Variants in CACNA1C observed in about 807,000 individuals in gnomAD.
CACNA1C encodes voltage-dependent L-type calcium channel subunit alpha-1C.
Under a neutral mutation model 229.0 loss-of-function variants are expected in CACNA1C, and 30 were observed. The observed-to-expected ratio is 0.13, with a 90% confidence interval of 0.10 to 0.18. The LOEUF (loss-of-function observed/expected upper bound fraction) is 0.18, where lower values mean the gene tolerates loss of function less well. CACNA1C is among the 10% of genes least tolerant of loss of function. The pLI, the probability that CACNA1C is intolerant of heterozygous loss-of-function variation, is 1.00. For missense variants in CACNA1C, 1,658 were observed against 2,845.0 expected, an observed-to-expected ratio of 0.58 and a Z score of 9.49; for synonymous variants, 1,114 against 1,132.5, an observed-to-expected ratio of 0.98 and a Z score of 0.33.
intron 1 of CACNA1C, among the ~76,000 whole-genome samples, chr12:2,106,478 G>C (rs2078667450): frequency 9.8e-6 from 1 of 102,546 alleles, no homozygotes; most frequent in African/African-American, 3.8e-5. Context: ...AAGCCACTGG[G>C]AGCCCACCCC....
chr12:2,562,271 A>G (rs1346190482), intron 11 of CACNA1C, among the ~76,000 whole-genome samples: 1 of 152,172 alleles, frequency 6.6e-6, no homozygotes, highest in Non-Finnish European at 1.5e-5. Context: ...GGGCATAATC[A>G]AGCTCTCATA....
At chr12:2,313,182 C>T (rs1158464037) in intron 3 of CACNA1C, among the ~76,000 whole-genome samples, 1 of 152,268 alleles carries the variant, frequency 6.6e-6, no homozygotes, top group South Asian at 2.1e-4. Flanking sequence ...CCACTTTGCT[C>T]CCAAGGATTG....
chr12:2,039,994 G>A (rs915832094), intron 1 of CACNA1C, among the ~76,000 whole-genome samples: 1 of 152,032 alleles, frequency 6.6e-6, no homozygotes, highest in African/African-American at 2.4e-5. Flanking sequence ...CTACTTGGAT[G>A]CCATGGAAAG....
intron 1 of CACNA1C, among the ~76,000 whole-genome samples, chr12:2,073,859 T>C (rs1280323604): frequency 6.6e-6 from 1 of 152,080 alleles, no homozygotes; most frequent in Admixed American, 6.5e-5. Context: ...AGATGACAAA[T>C]AGGTTTCAGA....
At chr12:2,432,852 C>T (rs564799113) in intron 3 of CACNA1C, among the ~76,000 whole-genome samples, 2 of 152,264 alleles carry the variant, frequency 1.3e-5, no homozygotes, top group East Asian at 1.9e-4. Context: ...GCTTGCTGTG[C>T]ACCACAAAGC....
rs1341154683 is a variant in CACNA1C at position 2,504,664 on chromosome 12, C to T, written c.1114-178C>T. On this transcript the variant is annotated intron_variant, in intron 7 of 46. Coordinates refer to ENST00000399655, the MANE Select transcript of CACNA1C (RefSeq NM_000719.7). The surrounding 1 kb of genome is among the most constrained non-coding windows in gnomAD (Gnocchi z 6.8). ...AGGCCCAGGAAAACCACAACAAAGCCTCTGTTCAACCACAGATTCTGACCC... is the reference window on the plus strand; with the variant it reads ...AGGCCCAGGAAAACCACAACAAAGCTTCTGTTCAACCACAGATTCTGACCC... 6 of 765,510 alleles carry T rather than the reference C, an allele frequency of 7.8e-6. No homozygotes were observed. Among genetic ancestry groups the T allele is most frequent in the Non-Finnish European group, 1.2e-5 (5 of 431,216 alleles). The allele number at this position is 765,510 out of a possible 1,614,324, so 47.4% of individuals were successfully genotyped here.
intron 3 of CACNA1C, among the ~76,000 whole-genome samples, chr12:2,231,610 CAG>C (rs1185798715): frequency 7.2e-5 from 11 of 152,108 alleles, no homozygotes; most frequent in African/African-American, 2.2e-4. Flanking sequence ...TTTTTAAAAT[CAG>C]AGCGGAGATC....
intron 14 of CACNA1C, 101 bp downstream of exon 14, chr12:2,581,898 C>A: frequency 4.2e-6 from 3 of 719,194 alleles, no homozygotes; most frequent in Non-Finnish European, 2.4e-6. Context: ...GCAGCCACAG[C>A]CATCCTAGAT....
chr12:2,637,697 G>T (rs1274017474), intron 30 of CACNA1C, among the ~76,000 whole-genome samples: 1 of 152,234 alleles, frequency 6.6e-6, no homozygotes, highest in Admixed American at 6.5e-5. Flanking sequence ...AATCCCATGG[G>T]ATCCTTCAGA....
At chr12:2,521,238 T>C (rs1359013972) in intron 9 of CACNA1C, among the ~76,000 whole-genome samples, 2 of 152,192 alleles carry the variant, frequency 1.3e-5, no homozygotes, top group African/African-American at 2.4e-5. Flanking sequence ...ACAGAGGCTG[T>C]GTGGAGGGGC....
At chr12:1,984,806 C>CT (rs1156339042) in intron 1 of CACNA1C, among the ~76,000 whole-genome samples, 1 of 105,196 alleles carries the variant, frequency 9.5e-6, no homozygotes, top group Non-Finnish European at 2.0e-5. Context: ...AAAAAAGGTT[C>CT]TTTTTATGTT....
At chr12:2,543,651 A>G (rs1411454967) in intron 9 of CACNA1C, among the ~76,000 whole-genome samples, 1 of 152,174 alleles carries the variant, frequency 6.6e-6, no homozygotes, top group African/African-American at 2.4e-5. Flanking sequence ...TTCAGAAAGG[A>G]ACCTTTAGAT....
chr12:2,637,880 A>G (rs1018743822), intron 30 of CACNA1C, among the ~76,000 whole-genome samples: 3 of 152,092 alleles, frequency 2.0e-5, no homozygotes, highest in Non-Finnish European at 4.4e-5. Flanking sequence ...TTAACTCCTA[A>G]ACCCCTCCCC....
At position 2,199,194 on chromosome 12, in the gene CACNA1C, G is replaced by A. The variant is rs116961516; in HGVS notation, c.477+78764G>A. Among the ~76,000 whole-genome samples, 157 of 152,110 alleles carry A rather than the reference G, an allele frequency of 1.0e-3. 3 individuals carry two copies. In the East Asian group the frequency reaches 0.028, roughly 27 times the overall value. On this transcript the variant is annotated intron_variant, in intron 3 of 46. Transcript: ENST00000399655. ...ACTACCCAATTTCTTTTGGTACCAGGAGAGGGCCACTCTTGTTCTGGCCTC... is the reference window on the plus strand; with the variant it reads ...ACTACCCAATTTCTTTTGGTACCAGAAGAGGGCCACTCTTGTTCTGGCCTC...
At chr12:2,503,860 T>C (rs2099765833) in intron 7 of CACNA1C, among the ~76,000 whole-genome samples, 1 of 152,188 alleles carries the variant, frequency 6.6e-6, no homozygotes, top group Non-Finnish European at 1.5e-5. Flanking sequence ...AATGATTGCC[T>C]CTCCCAGCCG....
At chr12:2,270,105 A>G (rs2084202852) in intron 3 of CACNA1C, among the ~76,000 whole-genome samples, 3 of 152,144 alleles carry the variant, frequency 2.0e-5, no homozygotes, top group Admixed American at 2.0e-4. Context: ...GGGGTCAGGG[A>G]ACAGAGGGTG....
chr12:2,114,254 C>G lies in CACNA1C; in HGVS notation c.50-970C>G, dbSNP rs542866585. ...CCAGGGCTCCCTCTTGCCACATGGC[C>G]TCTCTGTTGAGGCTAGTCTGGGCTT... On this transcript the variant is annotated intron_variant, in intron 1 of 46. Coordinates refer to ENST00000399655, the MANE Select transcript of CACNA1C (RefSeq NM_000719.7). Among the ~76,000 whole-genome samples the G allele has an allele frequency of 6.6e-5, 10 of 152,290 alleles. No homozygotes were observed. In the East Asian group the frequency reaches 1.4e-3, roughly 21 times the overall value.
intron 1 of CACNA1C, among the ~76,000 whole-genome samples, chr12:2,097,195 G>T (rs1459887723): frequency 6.6e-6 from 1 of 152,040 alleles, no homozygotes; most frequent in Non-Finnish European, 1.5e-5. Context: ...ACCCAGGCTG[G>T]AGTGCAGTGG....
intron 3 of CACNA1C, among the ~76,000 whole-genome samples, chr12:2,372,940 G>A (rs1029131877): frequency 7.2e-5 from 11 of 152,254 alleles, no homozygotes; most frequent in Admixed American, 5.2e-4. Flanking sequence ...AGGCCAGCAA[G>A]TCCGGTGCCG....
Sources: gnomAD v4.1 joint callset for allele counts (sites outside exome capture counted in the v4.1 genomes callset) on GRCh38, gnomAD v4.1.1 for gene constraint, Gnocchi (gnomAD v3.1) non-coding constraint, MANE v1.5 for transcripts, NCBI Gene and HGNC (gene_info 2026-07-23, HGNC 2026-07-21) for gene names.